ROBO1: variants seen among roughly 807,000 people sequenced by gnomAD.
ROBO1 encodes roundabout homolog 1.
Under a neutral mutation model 195.9 loss-of-function variants are expected in ROBO1, and 149 were observed. The ratio of observed to expected loss-of-function variants is 0.76; its 90% CI spans 0.67 to 0.87. The LOEUF (loss-of-function observed/expected upper bound fraction) is 0.87, where lower values mean the gene tolerates loss of function less well. ROBO1 is among the 40% of genes least tolerant of loss of function. The probability of loss-of-function intolerance (pLI) is 0.00; values close to 1 mark genes in which losing one functional copy is unlikely to be tolerated. For missense variants in ROBO1, 1,933 were observed against 2,068.3 expected (o/e 0.93, Z 1.27); for synonymous variants, 816 against 733.2 (o/e 1.11, Z -1.82).
chr3:78,836,237 G>C (rs2032696843), intron 4 of ROBO1, among the ~76,000 whole-genome samples: 1 of 151,970 alleles, frequency 6.6e-6, no homozygotes, highest in Non-Finnish European at 1.5e-5. Flanking sequence ...TTCAGGCCGG[G>C]GGCAGTGGCT....
chr3:78,672,352 G>C (rs966744562), intron 10 of ROBO1, among the ~76,000 whole-genome samples: 1 of 152,088 alleles, frequency 6.6e-6, no homozygotes, highest in African/African-American at 2.4e-5. Context: ...GCCAAGTAAG[G>C]TGGATTGCTT....
intron 3 of ROBO1, among the ~76,000 whole-genome samples, chr3:78,988,677 C>G (rs776997068): frequency 9.2e-5 from 14 of 152,144 alleles, no homozygotes; most frequent in Non-Finnish European, 1.5e-4. Flanking sequence ...AACTCTAAAA[C>G]TCTTTGTTTT....
intron 2 of ROBO1, among the ~76,000 whole-genome samples, chr3:79,224,539 CT>C (rs1315401734): frequency 6.6e-6 from 1 of 152,200 alleles, no homozygotes; most frequent in Non-Finnish European, 1.5e-5. Flanking sequence ...ACAAAAGTGA[CT>C]CTGAAATAAA....
intron 3 of ROBO1, among the ~76,000 whole-genome samples, chr3:79,091,777 T>G (rs968173779): frequency 6.6e-6 from 1 of 152,150 alleles, no homozygotes; most frequent in African/African-American, 2.4e-5. Context: ...AAAATGCAAC[T>G]GTGAGTGCTG....
rs145481657 is a variant in ROBO1 at position 78,631,348 on chromosome 3, A to G, written c.3482-43T>C. 752 of 1,576,328 alleles carry G rather than the reference A, an allele frequency of 4.8e-4. 3 individuals are homozygous for G. In the African/African-American group the frequency reaches 8.8e-3, roughly 18 times the overall value. Reference sequence around the variant, plus strand: ...TAGAAGCCATTGATCTCTGGCCTTTAAACTTTTTCCATTAGTCACAAGTTA... The same window carrying G: ...TAGAAGCCATTGATCTCTGGCCTTTGAACTTTTTCCATTAGTCACAAGTTA... On this transcript the variant is annotated intron_variant, in intron 24 of 30. Transcript: ENST00000464233.
chr3:79,144,544 G>T (rs2080604321), intron 2 of ROBO1, among the ~76,000 whole-genome samples: 1 of 151,402 alleles, frequency 6.6e-6, no homozygotes, highest in South Asian at 2.1e-4. Context: ...ATGTGCATAG[G>T]AAATTTTGAT....
chr3:79,367,264 G>C (rs1415517635), intron 2 of ROBO1, among the ~76,000 whole-genome samples: 1 of 152,064 alleles, frequency 6.6e-6, no homozygotes, highest in African/African-American at 2.4e-5. Flanking sequence ...GTTAGAGACT[G>C]ACTCAGTTTG....
chr3:78,880,822 C>T (rs2036133102), intron 4 of ROBO1, among the ~76,000 whole-genome samples: 1 of 152,126 alleles, frequency 6.6e-6, no homozygotes, highest in African/African-American at 2.4e-5. Flanking sequence ...GAAATAACTT[C>T]AGGCATTTTC....
chr3:79,460,660 A>G (rs1937600725), intron 2 of ROBO1, among the ~76,000 whole-genome samples: 1 of 152,224 alleles, frequency 6.6e-6, no homozygotes. Context: ...AATGGGAACA[A>G]TCCGTTAATA....
chr3:79,269,207 G>A (rs553852168), intron 2 of ROBO1, among the ~76,000 whole-genome samples: 20 of 151,712 alleles, frequency 1.3e-4, no homozygotes, highest in African/African-American at 3.9e-4. Flanking sequence ...ATGATATTAC[G>A]AAAATATGAG....
intron 4 of ROBO1, among the ~76,000 whole-genome samples, chr3:78,751,363 T>C (rs183225621): frequency 6.6e-6 from 1 of 152,266 alleles, no homozygotes; most frequent in East Asian, 1.9e-4. Context: ...TGATGCTAAT[T>C]GAACATTTAC....
intron 3 of ROBO1, among the ~76,000 whole-genome samples, chr3:79,087,062 ATATT>A (rs1365399559): frequency 6.6e-6 from 1 of 152,098 alleles, no homozygotes; most frequent in African/African-American, 2.4e-5. Flanking sequence ...AAAAATAATC[ATATT>A]TAATTAATAT....
At chr3:79,022,188 T>G (rs2078116865) in intron 3 of ROBO1, among the ~76,000 whole-genome samples, 1 of 152,166 alleles carries the variant, frequency 6.6e-6, no homozygotes, top group Non-Finnish European at 1.5e-5. Flanking sequence ...GAAGTGAAAC[T>G]CAATGCATCT....
At chr3:78,811,444 CT>C (rs1409485108) in intron 4 of ROBO1, among the ~76,000 whole-genome samples, 1 of 152,094 alleles carries the variant, frequency 6.6e-6, no homozygotes, top group Admixed American at 6.6e-5. Flanking sequence ...GCATAGTAAC[CT>C]TGTAAGACTC....
chr3:79,296,199 A>T (rs2032587140), intron 2 of ROBO1, among the ~76,000 whole-genome samples: 1 of 152,204 alleles, frequency 6.6e-6, no homozygotes, highest in Admixed American at 6.5e-5. Context: ...TCTTATAAGA[A>T]GCATTACATA....
At chr3:78,761,115 G>A (rs993702388) in intron 4 of ROBO1, among the ~76,000 whole-genome samples, 10 of 151,922 alleles carry the variant, frequency 6.6e-5, no homozygotes. Context: ...GGTGGAAGAG[G>A]GCCAAATGCT....
At position 79,281,043 on chromosome 3, in the gene ROBO1, G is replaced by A. The variant is rs1026505757; in HGVS notation, c.89-155504C>T. Among the ~76,000 whole-genome samples the A allele has an allele frequency of 3.0e-4, 46 of 152,102 alleles. 1 individual carries two copies. The highest frequency in any genetic ancestry group is 1.1e-3 in the African/African-American group (46 of 41,410). On this transcript the variant is annotated intron_variant, in intron 2 of 30. Transcript: ENST00000464233. ...TAATAAATAAAAAAGAATGTACTTCGTTGCTCTTTCCTAAGATAGATCTTA... is the reference window on the plus strand; with the variant it reads ...TAATAAATAAAAAAGAATGTACTTCATTGCTCTTTCCTAAGATAGATCTTA...
intron 1 of ROBO1, among the ~76,000 whole-genome samples, chr3:79,735,866 G>GA (rs1703355754): frequency 9.5e-6 from 1 of 105,316 alleles, no homozygotes; most frequent in Non-Finnish European, 1.8e-5. Flanking sequence ...GAGAGACTCC[G>GA]TCTCAAAAAA....
intron 2 of ROBO1, among the ~76,000 whole-genome samples, chr3:79,454,773 G>A (rs1218440174): frequency 1.3e-5 from 2 of 151,442 alleles, no homozygotes; most frequent in African/African-American, 4.9e-5. Context: ...CTTTACATTT[G>A]TTTCTTCAGA....
Sources: allele counts gnomAD v4.1 joint callset (sites outside exome capture counted in the v4.1 genomes callset), GRCh38; gene constraint gnomAD v4.1.1; transcripts MANE v1.5; gene names NCBI Gene and HGNC (gene_info 2026-07-23, HGNC 2026-07-21).